The following PEPD variants were observed in gnomAD, a reference collection of about 807,000 sequenced individuals.
The protein encoded by PEPD is peptidase D.
A neutral mutation model predicts 60.7 loss-of-function variants in PEPD; 53 were observed. The ratio of observed to expected loss-of-function variants is 0.87; its 90% CI spans 0.70 to 1.10. The LOEUF is 1.10. Ranked by LOEUF, PEPD falls within the 50% of genes least tolerant of loss-of-function variation. The probability of loss-of-function intolerance (pLI) is 0.00; values close to 1 mark genes in which losing one functional copy is unlikely to be tolerated. For missense variants in PEPD, 711 were observed against 711.9 expected (o/e 1.00, Z 0.01); for synonymous variants, 267 against 284.1 (o/e 0.94, Z 0.60).
At chr19:33,489,227 G>C (rs1970452291) in intron 6 of PEPD, among the ~76,000 whole-genome samples, 1 of 152,180 alleles carries the variant, frequency 6.6e-6, no homozygotes, top group African/African-American at 2.4e-5. Context: ...CTGGCGCTTG[G>C]TTAAGAGTGA....
At chr19:33,512,216 T>G (rs1410240940) in intron 2 of PEPD, among the ~76,000 whole-genome samples, 1 of 152,164 alleles carries the variant, frequency 6.6e-6, no homozygotes, top group Non-Finnish European at 1.5e-5. Flanking sequence ...GCAAGTCATT[T>G]CCCCTCTGAG....
At chr19:33,477,027 C>T (rs1465404839) in intron 7 of PEPD, 1 of 152,244 alleles carries the variant, frequency 6.6e-6, no homozygotes, top group East Asian at 1.9e-4. Context: ...TCAAGGGTTT[C>T]CTGTGTTTCC....
intron 4 of PEPD, 47 bp downstream of exon 4, chr19:33,500,891 G>T (rs1400512372): frequency 5.6e-6 from 6 of 1,062,526 alleles, no homozygotes; most frequent in Non-Finnish European, 4.4e-6. Context: ...GGAGTGGAAG[G>T]CATGCTGGAA....
At chr19:33,480,825 T>TGC (rs752412524) in intron 6 of PEPD, among the ~76,000 whole-genome samples, 1,773 of 126,326 alleles carry the variant, frequency 0.014, 25 homozygotes, top group South Asian at 0.076. Flanking sequence ...TGTGTGTGTG[T>TGC]GTGTGTGTGT....
chr19:33,455,930 T>G lies in PEPD; in HGVS notation c.671+7065A>C, dbSNP rs371293196. ...TTCTCCAGGAGCAATGCGCCCAGCA[T>G]TTGAAAAGACAATGCCTATTTATGT... On this transcript the variant is annotated intron_variant, in intron 9 of 14. Transcript: ENST00000244137. Among the ~76,000 whole-genome samples, 7 of 152,292 alleles carry G rather than the reference T, an allele frequency of 4.6e-5. No homozygotes were observed. In the South Asian group the frequency reaches 1.2e-3, roughly 27 times the overall value.
At chr19:33,426,345 C>T (rs989681025) in intron 9 of PEPD, among the ~76,000 whole-genome samples, 2 of 152,236 alleles carry the variant, frequency 1.3e-5, no homozygotes, top group African/African-American at 2.4e-5. Flanking sequence ...TATTTCTAAA[C>T]ATCAAATTGC....
At chr19:33,395,425 CTCT>C (rs2145335198) in intron 12 of PEPD, among the ~76,000 whole-genome samples, 1 of 152,336 alleles carries the variant, frequency 6.6e-6, no homozygotes, top group African/African-American at 2.4e-5. Context: ...TCCCCCACTC[CTCT>C]GTGTACTCAG....
chr19:33,490,853 T>C (rs1298359409), intron 5 of PEPD, among the ~76,000 whole-genome samples: 1 of 151,832 alleles, frequency 6.6e-6, no homozygotes, highest in Non-Finnish European at 1.5e-5. Context: ...AGTAGAGACA[T>C]GGTTTTGCCA....
intron 9 of PEPD, among the ~76,000 whole-genome samples, chr19:33,429,974 C>CT (rs1160556252): frequency 1.3e-5 from 2 of 152,214 alleles, no homozygotes; most frequent in East Asian, 3.8e-4. Flanking sequence ...CACAATTAAT[C>CT]TTGAGGCCTG....
chr19:33,389,821 C>T (rs925732347), intron 13 of PEPD, among the ~76,000 whole-genome samples: 20 of 152,392 alleles, frequency 1.3e-4, no homozygotes, highest in Admixed American at 1.2e-3. Context: ...AGCCCAGTGG[C>T]GCAGCTGCCC....
chr19:33,508,403 C>T (rs550220821), intron 3 of PEPD, among the ~76,000 whole-genome samples: 1 of 152,312 alleles, frequency 6.6e-6, no homozygotes, highest in South Asian at 2.1e-4. Flanking sequence ...CTAAACTCTT[C>T]GTCACTGCTG....
intron 3 of PEPD, among the ~76,000 whole-genome samples, chr19:33,503,303 C>T (rs936765916): frequency 6.6e-6 from 1 of 152,204 alleles, no homozygotes; most frequent in African/African-American, 2.4e-5. Flanking sequence ...GCCCACAATG[C>T]CCTTTGCTTT....
chr19:33,473,918 A>G (rs767169703), intron 7 of PEPD, among the ~76,000 whole-genome samples: 2 of 152,230 alleles, frequency 1.3e-5, no homozygotes, highest in Non-Finnish European at 2.9e-5. Flanking sequence ...GGAAAACAAT[A>G]AAACAGTCAC....
At chr19:33,514,571 C>G (rs1172909354) in intron 1 of PEPD, among the ~76,000 whole-genome samples, 1 of 151,868 alleles carries the variant, frequency 6.6e-6, no homozygotes, top group African/African-American at 2.4e-5. Flanking sequence ...TGCACTGTGC[C>G]CAGAGGCCAA....
chr19:33,449,241 G>A (rs1004224320), intron 9 of PEPD, among the ~76,000 whole-genome samples: 2 of 152,184 alleles, frequency 1.3e-5, no homozygotes, highest in African/African-American at 4.8e-5. Context: ...CTCTGGGGTC[G>A]CCCATCTTGC....
intron 9 of PEPD, among the ~76,000 whole-genome samples, chr19:33,442,253 A>AG (rs374088863): frequency 3.5e-4 from 54 of 152,260 alleles, no homozygotes; most frequent in African/African-American, 1.3e-3. Flanking sequence ...ATGAAAAATT[A>AG]GCCGGGCATG....
intron 9 of PEPD, among the ~76,000 whole-genome samples, chr19:33,419,413 G>A (rs914041959): frequency 6.6e-6 from 1 of 152,242 alleles, no homozygotes; most frequent in Admixed American, 6.5e-5. Context: ...ACAGTCAACT[G>A]CAGCATTTAG....
intron 9 of PEPD, among the ~76,000 whole-genome samples, chr19:33,420,237 T>C (rs1470745706): frequency 2.0e-5 from 3 of 152,142 alleles, no homozygotes; most frequent in African/African-American, 7.2e-5. Context: ...GTAATATACT[T>C]ATGTTTTATA....
intron 9 of PEPD, among the ~76,000 whole-genome samples, chr19:33,420,333 TA>T (rs1407854243): frequency 2.0e-5 from 3 of 151,312 alleles, no homozygotes; most frequent in African/African-American, 4.9e-5. Context: ...CTCTATCCAA[TA>T]TTTTGTTGAA....
Sources: allele counts gnomAD v4.1 joint callset (sites outside exome capture counted in the v4.1 genomes callset), GRCh38; gene constraint gnomAD v4.1.1; transcripts MANE v1.5; gene names NCBI Gene and HGNC (gene_info 2026-07-23, HGNC 2026-07-21).